Variants in KCNH1 observed in about 807,000 individuals in gnomAD.
KCNH1 encodes voltage-gated delayed rectifier potassium channel KCNH1.
A neutral mutation model predicts 69.2 loss-of-function variants in KCNH1; 27 were observed. That is an observed-to-expected ratio of 0.39 (90% CI 0.29 to 0.54). KCNH1 has a LOEUF of 0.54. Among genes scored for constraint, KCNH1 ranks in the 20% least tolerant of loss-of-function variants. KCNH1 has a pLI of 0.68. For missense variants in KCNH1, 798 were observed against 1,261.6 expected (o/e 0.63, Z 5.57); for synonymous variants, 456 against 487.7 (o/e 0.93, Z 0.86).
intron 7 of KCNH1, among the ~76,000 whole-genome samples, chr1:210,870,774 ACAT>A (rs1490502095): frequency 6.6e-6 from 1 of 152,170 alleles, no homozygotes; most frequent in Non-Finnish European, 1.5e-5. Flanking sequence ...TGATACTAAT[ACAT>A]TCTTCCCACT....
intron 7 of KCNH1, among the ~76,000 whole-genome samples, chr1:210,818,797 A>G (rs1684870390): frequency 6.6e-6 from 1 of 152,250 alleles, no homozygotes. Flanking sequence ...ACCTGGAACG[A>G]CAATGACTAT....
At chr1:210,700,945 ATTT>A (rs1681758129) in intron 10 of KCNH1, among the ~76,000 whole-genome samples, 1 of 150,902 alleles carries the variant, frequency 6.6e-6, no homozygotes, top group Non-Finnish European at 1.5e-5. Context: ...TTATTTATTT[ATTT>A]ATTTTTTGAG....
intron 10 of KCNH1, among the ~76,000 whole-genome samples, chr1:210,763,003 C>T (rs190991323): frequency 1.4e-3 from 219 of 152,210 alleles, no homozygotes; most frequent in African/African-American, 5.1e-3. Flanking sequence ...AATCCAGCAG[C>T]ACATCAAAAA....
intron 1 of KCNH1, among the ~76,000 whole-genome samples, chr1:211,126,774 T>A (rs1330275308): frequency 6.8e-6 from 1 of 147,852 alleles, no homozygotes; most frequent in Admixed American, 6.7e-5. Context: ...TGCTAAAAAC[T>A]CACACCAATG....
chr1:210,739,321 C>T (rs1464439889), intron 10 of KCNH1, among the ~76,000 whole-genome samples: 2 of 152,234 alleles, frequency 1.3e-5, no homozygotes, highest in Non-Finnish European at 2.9e-5. Context: ...GCTCACTCCC[C>T]ATCCTGACTA....
At chr1:210,693,635 A>G (rs967939479) in intron 10 of KCNH1, among the ~76,000 whole-genome samples, 6 of 152,232 alleles carry the variant, frequency 3.9e-5, no homozygotes, top group Non-Finnish European at 8.8e-5. Flanking sequence ...CACCTCATTC[A>G]TCTGAACCTG....
chr1:211,086,598 A>G (rs1690956494), intron 4 of KCNH1, among the ~76,000 whole-genome samples: 1 of 152,210 alleles, frequency 6.6e-6, no homozygotes, highest in Non-Finnish European at 1.5e-5. Context: ...ATCAGTTAAA[A>G]GCTATTTACT....
At chr1:210,758,852 C>G (rs185386132) in intron 10 of KCNH1, among the ~76,000 whole-genome samples, 16 of 152,270 alleles carry the variant, frequency 1.1e-4, no homozygotes, top group Admixed American at 1.0e-3. Flanking sequence ...GGAGGTGTTG[C>G]TTTTCATGCT....
chr1:211,070,145 T>TG (rs1374518679), intron 5 of KCNH1, among the ~76,000 whole-genome samples: 11 of 151,824 alleles, frequency 7.2e-5, no homozygotes, highest in Non-Finnish European at 1.6e-4. Flanking sequence ...CAAAAACGGC[T>TG]GGGGGGCTCA....
rs1281771390 is a variant in KCNH1 at position 210,730,946 on chromosome 1, T to G, written c.2112+44402A>C. Reference sequence around the variant, plus strand: ...TCTGGACACCAACCAGGCAGGTATCTGGGCATTAACTTTACTTGTCCTGTC... The same window carrying G: ...TCTGGACACCAACCAGGCAGGTATCGGGGCATTAACTTTACTTGTCCTGTC... On this transcript the variant is annotated intron_variant, in intron 10 of 10. Coordinates refer to ENST00000271751, the MANE Select transcript of KCNH1 (RefSeq NM_172362.3). Among the ~76,000 whole-genome samples, 3 of 152,358 alleles carry G rather than the reference T, an allele frequency of 2.0e-5. No individual in the cohort carries two copies. In the East Asian group the frequency reaches 5.8e-4, roughly 29 times the overall value.
chr1:211,089,277 C>T (rs1691010557), intron 4 of KCNH1, among the ~76,000 whole-genome samples: 1 of 152,186 alleles, frequency 6.6e-6, no homozygotes, highest in South Asian at 2.1e-4. Context: ...CATGAAATAG[C>T]TACTGCACTG....
At chr1:210,755,499 A>C (rs997045215) in intron 10 of KCNH1, among the ~76,000 whole-genome samples, 2 of 152,206 alleles carry the variant, frequency 1.3e-5, no homozygotes, top group Non-Finnish European at 2.9e-5. Context: ...CCGCGGCTAC[A>C]TTCATCCAGC....
chr1:210,725,767 C>T (rs1682575576), intron 10 of KCNH1, among the ~76,000 whole-genome samples: 1 of 152,202 alleles, frequency 6.6e-6, no homozygotes, highest in Admixed American at 6.5e-5. Flanking sequence ...AGCCACTACT[C>T]TGTTTCCCAA....
At chr1:210,893,922 C>CT (rs1686804134) in intron 7 of KCNH1, among the ~76,000 whole-genome samples, 1 of 152,052 alleles carries the variant, frequency 6.6e-6, no homozygotes, top group South Asian at 2.1e-4. Flanking sequence ...TTGGACAATG[C>CT]TTTTTCATCT....
intron 7 of KCNH1, among the ~76,000 whole-genome samples, chr1:210,845,967 C>A (rs945623161): frequency 1.3e-5 from 2 of 152,152 alleles, no homozygotes; most frequent in African/African-American, 4.8e-5. Flanking sequence ...CATGAGTGAA[C>A]TCCCATTCAC....
At chr1:210,795,962 A>AAT (rs377406387) in intron 9 of KCNH1, among the ~76,000 whole-genome samples, 1 of 135,984 alleles carries the variant, frequency 7.4e-6, no homozygotes, top group Non-Finnish European at 1.6e-5. Flanking sequence ...CTCTACTAAA[A>AAT]ACACACACAC....
chr1:210,885,954 G>A (rs1285680731), intron 7 of KCNH1, among the ~76,000 whole-genome samples: 1 of 152,154 alleles, frequency 6.6e-6, no homozygotes, highest in East Asian at 1.9e-4. Context: ...GGAAATGGTG[G>A]CTGTGGGCAC....
chr1:210,793,248 T>C (rs1684245301), intron 9 of KCNH1, among the ~76,000 whole-genome samples: 1 of 152,086 alleles, frequency 6.6e-6, no homozygotes, highest in Admixed American at 6.5e-5. Context: ...TCAGAGAACA[T>C]CATCTAGGTT....
Position 210,893,627 on chromosome 1 carries a change from T to A in KCNH1, c.1462+26013A>T, listed in dbSNP as rs994428855. 4.6e-5 allele frequency among the ~76,000 whole-genome samples: 7 copies of A among 152,024 alleles called. No homozygotes were observed. In the East Asian group the frequency reaches 1.4e-3, roughly 29 times the overall value. The stretch of plus-strand genomic sequence containing the variant: ...TTCTACTTTCTCTCTGTCTCTCTCA[T>A]CCTTTGCTTTTTATTTTTTAAATTA... On this transcript the variant is annotated intron_variant, in intron 7 of 10. Transcript: ENST00000271751.
Sources: allele counts gnomAD v4.1 joint callset (sites outside exome capture counted in the v4.1 genomes callset), GRCh38; gene constraint gnomAD v4.1.1; transcripts MANE v1.5; gene names NCBI Gene and HGNC (gene_info 2026-07-23, HGNC 2026-07-21).